Variants in SLC35F4 observed in about 807,000 individuals in gnomAD.
SLC35F4 encodes the protein chromosome 14 open reading frame 36.
Under a neutral mutation model 44.2 loss-of-function variants are expected in SLC35F4, and 24 were observed. That is an observed-to-expected ratio of 0.54 (90% CI 0.39 to 0.76). SLC35F4 has a LOEUF of 0.76. Among genes scored for constraint, SLC35F4 ranks in the 30% least tolerant of loss-of-function variants. The probability of loss-of-function intolerance (pLI) is 0.00; values close to 1 mark genes in which losing one functional copy is unlikely to be tolerated. For missense variants in SLC35F4, 562 were observed against 586.1 expected (o/e 0.96, Z 0.42); for synonymous variants, 238 against 223.6 (o/e 1.06, Z -0.57).
chr14:57,917,841 C>G (rs1159413634), intron 1 of SLC35F4, among the ~76,000 whole-genome samples: 1 of 152,180 alleles, frequency 6.6e-6, no homozygotes, highest in Non-Finnish European at 1.5e-5. Context: ...CCCTCTATGA[C>G]TAGGCCTTAA....
intron 1 of SLC35F4, among the ~76,000 whole-genome samples, chr14:57,927,559 C>T (rs1349750460): frequency 1.3e-5 from 2 of 150,578 alleles, no homozygotes; most frequent in Non-Finnish European, 3.0e-5. Context: ...GTCATGATCT[C>T]GGTTCACTGC....
At chr14:57,762,683 G>C (rs947825579) in intron 1 of SLC35F4, among the ~76,000 whole-genome samples, 1 of 152,088 alleles carries the variant, frequency 6.6e-6, no homozygotes, top group Non-Finnish European at 1.5e-5. Context: ...AGTTATCATG[G>C]GAGTGGGTTC....
chr14:57,823,046 G>C (rs1883343698), intron 1 of SLC35F4, among the ~76,000 whole-genome samples: 1 of 152,062 alleles, frequency 6.6e-6, no homozygotes. Flanking sequence ...AGTGGCCAGA[G>C]AGATCTTAAA....
At chr14:57,678,695 G>GAA (rs201101026) in intron 1 of SLC35F4, among the ~76,000 whole-genome samples, 10 of 138,896 alleles carry the variant, frequency 7.2e-5, no homozygotes, top group East Asian at 6.2e-4. Flanking sequence ...CAAATGGAAA[G>GAA]AAAAAAAAAA....
At chr14:57,820,250 G>A (rs1002111165) in intron 1 of SLC35F4, among the ~76,000 whole-genome samples, 7 of 152,022 alleles carry the variant, frequency 4.6e-5, no homozygotes, top group African/African-American at 1.7e-4. Context: ...ACATAAAAAA[G>A]ACTAGCACAC....
chr14:57,644,471 T>C (rs1323470079), intron 1 of SLC35F4, among the ~76,000 whole-genome samples: 2 of 151,782 alleles, frequency 1.3e-5, no homozygotes, highest in African/African-American at 4.8e-5. Context: ...GTTTTTTTTT[T>C]CCTTGTAAAT....
chr14:57,760,913 C>T (rs945752279), intron 1 of SLC35F4, among the ~76,000 whole-genome samples: 3 of 152,162 alleles, frequency 2.0e-5, no homozygotes, highest in African/African-American at 7.2e-5. Context: ...GACAGGTGCT[C>T]AGAAGATCTC....
At chr14:57,930,007 G>A (rs7157040) in intron 1 of SLC35F4, among the ~76,000 whole-genome samples, 5,405 of 152,162 alleles carry the variant, frequency 0.036, 340 homozygotes, top group African/African-American at 0.12. Context: ...TTTCATAAAG[G>A]GATAGGGGAA....
intron 1 of SLC35F4, among the ~76,000 whole-genome samples, chr14:57,643,886 C>A (rs975758300): frequency 1.3e-4 from 20 of 151,910 alleles, no homozygotes; most frequent in African/African-American, 4.6e-4. Context: ...TTTGTCCATG[C>A]GATAGTTTGC....
chr14:57,768,720 C>T (rs1317611178), intron 1 of SLC35F4, among the ~76,000 whole-genome samples: 3 of 151,514 alleles, frequency 2.0e-5, no homozygotes, highest in Non-Finnish European at 1.5e-5. Context: ...CATGGGGATA[C>T]TATTAAAAGA....
chr14:57,595,866 C>A (rs1477770543), intron 1 of SLC35F4: 3 of 152,172 alleles, frequency 2.0e-5, no homozygotes, highest in Non-Finnish European at 4.4e-5. Flanking sequence ...ATTTCTATTT[C>A]TTCTATTTCT....
At chr14:57,709,151 C>A (rs1429384000) in intron 1 of SLC35F4, among the ~76,000 whole-genome samples, 1 of 152,086 alleles carries the variant, frequency 6.6e-6, no homozygotes, top group Non-Finnish European at 1.5e-5. Flanking sequence ...GGAGTAGAGT[C>A]TTCTCTAGAC....
intron 1 of SLC35F4, among the ~76,000 whole-genome samples, chr14:57,633,604 C>T (rs150849382): frequency 0.022 from 3,300 of 152,226 alleles, 59 homozygotes; most frequent in South Asian, 0.071. Context: ...TTACCACACA[C>T]ATAGATTTGT....
At chr14:57,884,876 A>G (rs919336784) in intron 1 of SLC35F4, among the ~76,000 whole-genome samples, 11 of 152,192 alleles carry the variant, frequency 7.2e-5, no homozygotes, top group African/African-American at 2.4e-4. Context: ...AACAAAACAC[A>G]GAAGGTATAA....
rs186391766 is a variant in SLC35F4, at chr14:57,697,173, T to C, written c.104-103049A>G. On this transcript the variant is annotated intron_variant, in intron 1 of 7. Coordinates refer to ENST00000556826, the MANE Select transcript of SLC35F4 (RefSeq NM_001306087.2). ...AATTTTGATATGTTGTATTTTTATT[T>C]TCATTCCATGCAAAATATTTCTAAT... Among the ~76,000 whole-genome samples, 91 of 152,300 alleles carry C rather than the reference T, an allele frequency of 6.0e-4. 1 individual carries two copies. Among genetic ancestry groups the C allele is most frequent in the Non-Finnish European group, 1.1e-3 (75 of 68,022 alleles).
At chr14:57,743,569 T>G (rs923520644) in intron 1 of SLC35F4, among the ~76,000 whole-genome samples, 2 of 152,104 alleles carry the variant, frequency 1.3e-5, no homozygotes, top group African/African-American at 4.8e-5. Flanking sequence ...GCGCTGAAAT[T>G]GAAGCAATGA....
chr14:57,745,176 A>G (rs2140530468), intron 1 of SLC35F4, among the ~76,000 whole-genome samples: 1 of 152,356 alleles, frequency 6.6e-6, no homozygotes, highest in Non-Finnish European at 1.5e-5. Flanking sequence ...GGCATGGGCA[A>G]GGACTTCATG....
intron 1 of SLC35F4, among the ~76,000 whole-genome samples, chr14:57,627,115 G>T (rs999295237): frequency 6.6e-6 from 1 of 152,092 alleles, no homozygotes; most frequent in Non-Finnish European, 1.5e-5. Context: ...TTCACATTTT[G>T]CATTTAAATG....
In SLC35F4 at chr14:57,672,260, C is replaced by T. The variant is rs188120239; in HGVS notation, c.104-78136G>A. Among the ~76,000 whole-genome samples the T allele has an allele frequency of 4.3e-4, 65 of 152,170 alleles. 1 individual carries two copies. The highest frequency in any genetic ancestry group is 1.5e-3 in the African/African-American group (63 of 41,464). ...ACCTTGCAGCTGTGCCAGACTCAGC[C>T]GGTCACTGTGGACAAAGATCCTGCA... On this transcript the variant is annotated intron_variant, in intron 1 of 7. Coordinates refer to ENST00000556826, the MANE Select transcript of SLC35F4 (RefSeq NM_001306087.2).
Sources: gnomAD v4.1 joint callset for allele counts (sites outside exome capture counted in the v4.1 genomes callset) on GRCh38, gnomAD v4.1.1 for gene constraint, MANE v1.5 for transcripts, NCBI Gene and HGNC (gene_info 2026-07-23, HGNC 2026-07-21) for gene names.